Variants in YEATS2 observed in about 807,000 individuals in gnomAD.
YEATS2 encodes YEATS domain-containing protein 2.
In YEATS2, 77 loss-of-function variants were observed where a neutral mutation model predicts 163.2. The ratio of observed to expected loss-of-function variants is 0.47; its 90% CI spans 0.39 to 0.57. The LOEUF is 0.57. Among genes scored for constraint, YEATS2 ranks in the 20% least tolerant of loss-of-function variants. The pLI, the probability that YEATS2 is intolerant of heterozygous loss-of-function variation, is 0.00. For missense variants in YEATS2, 1,549 were observed against 1,729.8 expected (o/e 0.90, Z 1.85); for synonymous variants, 631 against 645.1 (o/e 0.98, Z 0.33).
At chr3:183,699,143 A>T (rs1713803477) in intron 1 of YEATS2, among the ~76,000 whole-genome samples, 1 of 152,008 alleles carries the variant, frequency 6.6e-6, no homozygotes, top group South Asian at 2.1e-4. Flanking sequence ...GTATAAACAG[A>T]TTTTTAAATG....
In YEATS2 at chr3:183,798,039, C is replaced by G; in HGVS notation, c.3214C>G (p.Pro1072Ala). Residue 1072 changes from proline to alanine, a missense_variant, in exon 22 of 31, where the codon CCT becomes GCT. By Grantham distance (27) the Pro-to-Ala change is conservative. Transcript: ENST00000305135. ...TSGGVQTILM[P>A]VNKVVQSFST... The stretch of plus-strand genomic sequence containing the variant: ...TGGAGGGGTGCAGACGATCCTGATG[C>G]CTGTGAATAAAGGTGAGTCCCTTGC... The G allele has an allele frequency of 1.2e-6, 2 of 1,613,864 alleles. No homozygotes were observed. Among genetic ancestry groups the G allele is most frequent in the Non-Finnish European group, 1.7e-6 (2 of 1,179,908 alleles).
At position 183,709,796 on chromosome 3, in the gene YEATS2, G is replaced by C. The variant is rs534316660; in HGVS notation, c.-19-5348G>C. On this transcript the variant is annotated intron_variant, in intron 1 of 30. Transcript: ENST00000305135. ...GGGTTCACGCCATTCTCCTGCCTTA[G>C]CCTCCGGAGTAGCTAGGACTACAGG... is the stretch of plus-strand genomic sequence containing the variant. Among the ~76,000 whole-genome samples the C allele has an allele frequency of 2.0e-5, 3 of 150,838 alleles. No individual in the cohort carries two copies. The East Asian group carries it at 5.9e-4, about 30-fold the overall frequency.
intron 7 of YEATS2, 105 bp from the exon 8 acceptor site, chr3:183,736,613 C>G: frequency 1.3e-6 from 1 of 749,302 alleles, no homozygotes; most frequent in Non-Finnish European, 2.1e-6. Context: ...CTAAATGATT[C>G]TCAGAAGACA....
intron 19 of YEATS2, among the ~76,000 whole-genome samples, chr3:183,782,793 TTTTG>T (rs1723703183): frequency 6.6e-6 from 1 of 152,324 alleles, no homozygotes; most frequent in African/African-American, 2.4e-5. Context: ...TTCCAGGTTT[TTTTG>T]TTTGTTTTTG....
intron 1 of YEATS2, among the ~76,000 whole-genome samples, chr3:183,703,319 A>G (rs992349266): frequency 6.6e-6 from 1 of 152,224 alleles, no homozygotes; most frequent in Non-Finnish European, 1.5e-5. Flanking sequence ...AACATATTCA[A>G]AAGGTTTTGT....
At chr3:183,751,619 CA>C (rs1319289443) in intron 9 of YEATS2, among the ~76,000 whole-genome samples, 1 of 152,176 alleles carries the variant, frequency 6.6e-6, no homozygotes, top group Non-Finnish European at 1.5e-5. Context: ...AACACAAAAG[CA>C]AATAAAATTA....
At position 183,811,290 on chromosome 3, in the gene YEATS2, T is replaced by G. The variant is rs1726772134; in HGVS notation, c.*707T>G. ...TGATTATAACCAAGAAAACTCACTATGCTAGGAATAGACTGTGTGCACCAG... is the reference window on the plus strand; with the variant it reads ...TGATTATAACCAAGAAAACTCACTAGGCTAGGAATAGACTGTGTGCACCAG... On this transcript the variant is annotated 3_prime_UTR_variant, in exon 31 of 31. Transcript: ENST00000305135. 6.5e-6 allele frequency: 1 copy of G among 152,750 alleles called. No homozygotes were observed. The highest frequency in any genetic ancestry group is 2.4e-5 in the African/African-American group (1 of 41,458). The allele number at this position is 152,750 out of a possible 1,614,324, so 9.5% of individuals were successfully genotyped here.
In YEATS2 at chr3:183,762,109, C is replaced by G. The variant is rs1330510172; in HGVS notation, c.1777C>G (p.Gln593Glu). 1 of 1,614,120 alleles carries G rather than the reference C, an allele frequency of 6.2e-7. No individual in the cohort carries two copies. Among genetic ancestry groups the G allele is most frequent in the Non-Finnish European group, 8.5e-7 (1 of 1,180,008 alleles). ...TGTTTGTTGCAAGGTGATCATCAAA[C>G]AGGAACCTGGTGAAGCCCCTCACGT... Reference protein sequence around the residue: ...LGAFTKVIIKQEPGEAPHVPA... With the variant: ...LGAFTKVIIKEEPGEAPHVPA... The change falls in exon 15 of 31, where the codon CAG becomes GAG. Residue 593 changes from glutamine (Q) to glutamate (E), a missense_variant. Transcript: ENST00000305135.
chr3:183,717,435 T>C (rs1716013924), intron 2 of YEATS2, among the ~76,000 whole-genome samples: 1 of 152,238 alleles, frequency 6.6e-6, no homozygotes, highest in South Asian at 2.1e-4. Flanking sequence ...TACCATAGAA[T>C]GGTGTCTTTT....
intron 8 of YEATS2, among the ~76,000 whole-genome samples, chr3:183,745,799 G>T (rs764035768): frequency 6.6e-6 from 1 of 151,940 alleles, no homozygotes; most frequent in East Asian, 1.9e-4. Context: ...CCTTGACCCC[G>T]TTTGTCCTTT....
chr3:183,730,892 G>A (rs1009383306), intron 7 of YEATS2, among the ~76,000 whole-genome samples: 10 of 152,138 alleles, frequency 6.6e-5, no homozygotes, highest in South Asian at 4.1e-4. Flanking sequence ...GAGAATATAC[G>A]TATATAAGAG....
chr3:183,800,064 C>T (rs1161725413), intron 23 of YEATS2, among the ~76,000 whole-genome samples: 1 of 151,964 alleles, frequency 6.6e-6, no homozygotes, highest in Non-Finnish European at 1.5e-5. Context: ...GATCTCCTGA[C>T]CTCGTGATCC....
rs371035095 is a variant in YEATS2, at chr3:183,764,277, A to G, written c.1947+1998A>G. On this transcript the variant is annotated intron_variant, in intron 15 of 30. Coordinates refer to ENST00000305135, the MANE Select transcript of YEATS2 (RefSeq NM_018023.5). ...TCTCAACTAGTCAGGAGGCTGAGGC[A>G]GGAGAATGGCTTGAACACAGGAGGT... 2.4e-3 allele frequency among the ~76,000 whole-genome samples: 362 copies of G among 150,664 alleles called. 2 individuals are homozygous for G. Among genetic ancestry groups the G allele is most frequent in the South Asian group, 0.021 (98 of 4,710 alleles).
chr3:183,762,144 AGGAGCTGCCAGCCAGTCACCACTCCCG>A lies in YEATS2; in HGVS notation c.1813_1839del (p.Gly605_Pro613del). ...GTGAAGCCCCTCACGTGCCCGCAACAGGAGCTGCCAGCCAGTCACCACTCCCGCAGTATGTGACTGTGAAAGGGGGTC... is the reference window on the plus strand; with the variant it reads ...GTGAAGCCCCTCACGTGCCCGCAACACAGTATGTGACTGTGAAAGGGGGTC... On this transcript the variant is annotated inframe_deletion, in exon 15 of 31. Coordinates refer to ENST00000305135, the MANE Select transcript of YEATS2 (RefSeq NM_018023.5). The A allele has an allele frequency of 6.2e-7, 1 of 1,614,208 alleles. No homozygotes were observed. The highest frequency in any genetic ancestry group is 8.5e-7 in the Non-Finnish European group (1 of 1,180,026).
chr3:183,766,271 A>G (rs559389423), intron 15 of YEATS2, among the ~76,000 whole-genome samples: 114 of 152,352 alleles, frequency 7.5e-4, no homozygotes, highest in Non-Finnish European at 1.2e-3. Context: ...GAGATTGTAT[A>G]TGAAGGACCT....
At position 183,709,771 on chromosome 3, in the gene YEATS2, G is replaced by A. The variant is rs1051651641; in HGVS notation, c.-19-5373G>A. ...CGGCTCACTGCAAGCTCCACCTTCC[G>A]GGTTCACGCCATTCTCCTGCCTTAG... On this transcript the variant is annotated intron_variant, in intron 1 of 30. Transcript: ENST00000305135. Among the ~76,000 whole-genome samples, 5 of 149,426 alleles carry A rather than the reference G, an allele frequency of 3.3e-5. 1 individual carries two copies. Among genetic ancestry groups the A allele is most frequent in the African/African-American group, 5.0e-5 (2 of 40,272 alleles).
chr3:183,755,607 T>C (rs1438030689), intron 11 of YEATS2, among the ~76,000 whole-genome samples: 1 of 152,180 alleles, frequency 6.6e-6, no homozygotes, highest in Non-Finnish European at 1.5e-5. Context: ...CACGAATCTT[T>C]CTGGGTTACG....
At chr3:183,766,692 T>C (rs944662989) in intron 15 of YEATS2, among the ~76,000 whole-genome samples, 6 of 152,294 alleles carry the variant, frequency 3.9e-5, no homozygotes, top group African/African-American at 1.2e-4. Flanking sequence ...TTTTTGGTGG[T>C]TGTTGCTCTT....
chr3:183,788,850 T>G (rs770340041), intron 20 of YEATS2, among the ~76,000 whole-genome samples: 81 of 152,232 alleles, frequency 5.3e-4, no homozygotes, highest in Admixed American at 6.5e-4. Flanking sequence ...CTCATTGTAG[T>G]TTTGATTTGT....
Sources: allele counts gnomAD v4.1 joint callset (sites outside exome capture counted in the v4.1 genomes callset), GRCh38; gene constraint gnomAD v4.1.1; transcripts MANE v1.5; gene names NCBI Gene and HGNC (gene_info 2026-07-23, HGNC 2026-07-21).